The following DYNC2H1 variants were observed in gnomAD, a reference collection of about 807,000 sequenced individuals.
DYNC2H1 encodes the protein dynein cytoplasmic 2 heavy chain 1, also known as cytoplasmic dynein 2 heavy chain 1.
Under a neutral mutation model 570.0 loss-of-function variants are expected in DYNC2H1, and 410 were observed. The ratio of observed to expected loss-of-function variants is 0.72; its 90% CI spans 0.66 to 0.78. DYNC2H1 has a LOEUF of 0.78. DYNC2H1 is among the 30% of genes least tolerant of loss of function. The pLI, the probability that DYNC2H1 is intolerant of heterozygous loss-of-function variation, is 0.00. For missense variants in DYNC2H1, 4,865 were observed against 5,046.4 expected (o/e 0.96, Z 1.09); for synonymous variants, 1,688 against 1,677.6 (o/e 1.01, Z -0.15).
rs1462111504 is a variant in DYNC2H1, at chr11:103,446,456, TC to T, written c.12457-8729del. ...TGCTGTAAGTGAGGTTAGAGAAAAA[TC>T]ATGTTTGGCAACATGGAAGACGTTG... is the stretch of plus-strand genomic sequence containing the variant. On this transcript the variant is annotated intron_variant, in intron 85 of 88. Coordinates refer to ENST00000375735, the MANE Select transcript of DYNC2H1 (RefSeq NM_001377.3). This position sits in a 1 kb window ranked among gnomAD's most constrained non-coding sequence, Gnocchi z 4.5. Among the ~76,000 whole-genome samples, 1 of 152,158 alleles carries T rather than the reference TC, an allele frequency of 6.6e-6. No individual in the cohort carries two copies. Among genetic ancestry groups the T allele is most frequent in the African/African-American group, 2.4e-5 (1 of 41,430 alleles).
Position 103,116,719 on chromosome 11 carries a change from TA to T in DYNC2H1, c.766+6del. On this transcript the variant is annotated splice_donor_region_variant and intron_variant, in intron 5 of 88. Transcript: ENST00000375735. ...TGCATCTCTTAGACATCATAGGTAC[TA>T]GTAAAAAAATGAACTTTTGGAATTT... 6.3e-7 allele frequency: 1 copy of T among 1,575,722 alleles called. No individual in the cohort carries two copies.
rs1866963677 is a variant in DYNC2H1 at position 103,299,529 on chromosome 11, T to C, written c.11096-3564T>C. On this transcript the variant is annotated intron_variant, in intron 75 of 88. Transcript: ENST00000375735. The surrounding 1 kb of genome is among the most constrained non-coding windows in gnomAD (Gnocchi z 4.5). Reference sequence around the variant, plus strand: ...ATTTTCTTTCTGTCTTTTGGTGTCATTCTCAGCTTTTGGATGCCAGTTGGT... The same window carrying C: ...ATTTTCTTTCTGTCTTTTGGTGTCACTCTCAGCTTTTGGATGCCAGTTGGT... Among the ~76,000 whole-genome samples, 1 of 152,142 alleles carries C rather than the reference T, an allele frequency of 6.6e-6. No individual in the cohort carries two copies. Among genetic ancestry groups the C allele is most frequent in the Non-Finnish European group, 1.5e-5 (1 of 68,010 alleles).
intron 43 of DYNC2H1, 30 bp downstream of exon 43, chr11:103,187,616 C>G (rs1167859084): frequency 5.0e-6 from 8 of 1,598,800 alleles, no homozygotes; most frequent in Non-Finnish European, 6.8e-6. Context: ...GTGTTTTAAT[C>G]TAATTGGAAA....
chr11:103,371,493 C>T (rs2566903), intron 83 of DYNC2H1, among the ~76,000 whole-genome samples: 102,548 of 151,830 alleles, frequency 0.68, 34,716 homozygotes, highest in Admixed American at 0.73. Context: ...AGAAGAGTAC[C>T]TCAAGGCACT....
chr11:103,176,157 C>T, intron 36 of DYNC2H1, 78 bp from the exon 37 acceptor site: 1 of 1,109,034 alleles, frequency 9.0e-7, no homozygotes, highest in Non-Finnish European at 1.2e-6. Flanking sequence ...TAATGCATAT[C>T]AAGGCTATAG....
intron 59 of DYNC2H1, among the ~76,000 whole-genome samples, chr11:103,227,036 C>A (rs1226531082): frequency 6.6e-6 from 1 of 152,256 alleles, no homozygotes; most frequent in African/African-American, 2.4e-5. Flanking sequence ...GTTGTAACAT[C>A]TCCCATTTCT....
intron 82 of DYNC2H1, among the ~76,000 whole-genome samples, chr11:103,328,949 C>T (rs1326462488): frequency 3.3e-5 from 5 of 152,118 alleles, no homozygotes; most frequent in East Asian, 1.9e-4. Flanking sequence ...TATGTTAGTT[C>T]GAATTGCCCA....
intron 85 of DYNC2H1, among the ~76,000 whole-genome samples, chr11:103,450,589 G>A (rs1248323207): frequency 6.6e-6 from 1 of 152,058 alleles, no homozygotes; most frequent in African/African-American, 2.4e-5. Flanking sequence ...AATAACCCAT[G>A]GGTCAAAGAA....
chr11:103,317,346 A>C (rs1318021222), intron 80 of DYNC2H1, among the ~76,000 whole-genome samples: 1 of 149,392 alleles, frequency 6.7e-6, no homozygotes, highest in Non-Finnish European at 1.5e-5. Context: ...TCAAGGCTAA[A>C]GCCTGTGAGT....
chr11:103,343,819 G>A (rs1939603592), intron 82 of DYNC2H1, among the ~76,000 whole-genome samples: 1 of 152,154 alleles, frequency 6.6e-6, no homozygotes, highest in Non-Finnish European at 1.5e-5. Flanking sequence ...CTTCCATTTA[G>A]ACAAACAAAT....
At chr11:103,190,873 C>T (rs950370080) in intron 45 of DYNC2H1, among the ~76,000 whole-genome samples, 4 of 150,486 alleles carry the variant, frequency 2.7e-5, no homozygotes, top group African/African-American at 7.3e-5. Context: ...CTTACCTAGA[C>T]CTGTGAGTAC....
intron 39 of DYNC2H1, among the ~76,000 whole-genome samples, chr11:103,180,038 A>G (rs563902306): frequency 2.0e-5 from 3 of 151,586 alleles, no homozygotes; most frequent in Non-Finnish European, 4.4e-5. Flanking sequence ...TTAGTTGTTT[A>G]CTTTTTTGAC....
At chr11:103,352,406 A>G (rs1308888306) in intron 82 of DYNC2H1, among the ~76,000 whole-genome samples, 2 of 152,186 alleles carry the variant, frequency 1.3e-5, no homozygotes, top group African/African-American at 4.8e-5. Flanking sequence ...CCCATTCACT[A>G]TTCTATAAAT....
Position 103,189,669 on chromosome 11 carries a change from T to C in DYNC2H1, c.7293-3T>C, listed in dbSNP as rs763546994. 6 of 1,611,256 alleles carry C rather than the reference T, an allele frequency of 3.7e-6. No individual in the cohort carries two copies. Among genetic ancestry groups the C allele is most frequent in the Non-Finnish European group, 4.2e-6 (5 of 1,178,750 alleles). On this transcript the variant is annotated splice_region_variant and splice_polypyrimidine_tract_variant and intron_variant, in intron 44 of 88. Transcript: ENST00000375735. This position sits in a 1 kb window ranked among gnomAD's most constrained non-coding sequence, Gnocchi z 4.3. Reference sequence around the variant, plus strand: ...CTTTCTTCTTATATGCCATTTTTTTTAGTTACCCAGAAAGAGAGCAGTTAC... The same window carrying C: ...CTTTCTTCTTATATGCCATTTTTTTCAGTTACCCAGAAAGAGAGCAGTTAC...
intron 84 of DYNC2H1, among the ~76,000 whole-genome samples, chr11:103,421,719 G>A (rs1422641729): frequency 6.6e-6 from 1 of 152,040 alleles, no homozygotes; most frequent in South Asian, 2.1e-4. Flanking sequence ...TGTTAAGCAG[G>A]AAATTTATAG....
intron 82 of DYNC2H1, among the ~76,000 whole-genome samples, chr11:103,327,144 G>T (rs1938540449): frequency 6.6e-6 from 1 of 151,966 alleles, no homozygotes; most frequent in Admixed American, 6.6e-5. Context: ...GCTTCACCCT[G>T]AGCATCAGCG....
chr11:103,215,684 T>G (rs1490790866), intron 54 of DYNC2H1, 37 bp from the exon 55 acceptor site: 53 of 1,519,028 alleles, frequency 3.5e-5, no homozygotes, highest in Non-Finnish European at 4.4e-5. Flanking sequence ...AAAATTCCTT[T>G]TTTAAAATAT....
At chr11:103,247,402 A>G (rs117254364) in intron 65 of DYNC2H1, among the ~76,000 whole-genome samples, 2 of 152,038 alleles carry the variant, frequency 1.3e-5, no homozygotes, top group African/African-American at 4.8e-5. Flanking sequence ...CTCTGTTTTC[A>G]AGAGGTATAT....
intron 83 of DYNC2H1, among the ~76,000 whole-genome samples, chr11:103,377,751 T>G (rs1941451564): frequency 6.6e-6 from 1 of 151,574 alleles, no homozygotes; most frequent in South Asian, 2.1e-4. Flanking sequence ...GAATATTGCT[T>G]CTTTTGAGAC....
Sources: gnomAD v4.1 joint callset for allele counts (sites outside exome capture counted in the v4.1 genomes callset) on GRCh38, gnomAD v4.1.1 for gene constraint, Gnocchi (gnomAD v3.1) non-coding constraint, MANE v1.5 for transcripts, NCBI Gene and HGNC (gene_info 2026-07-23, HGNC 2026-07-21) for gene names.